The following RABGAP1L variants were observed in gnomAD, a reference collection of about 807,000 sequenced individuals.
RABGAP1L encodes RAB GTPase activating protein 1 like, also known as rab GTPase-activating protein 1-like.
Under a neutral mutation model 137.7 loss-of-function variants are expected in RABGAP1L, and 63 were observed. The observed-to-expected ratio is 0.46, with a 90% CI of 0.37 to 0.56. The LOEUF is 0.56. RABGAP1L is among the 20% of genes least tolerant of loss of function. The probability of loss-of-function intolerance (pLI) is 0.00; values close to 1 mark genes in which losing one functional copy is unlikely to be tolerated. For missense variants in RABGAP1L, 1,095 were observed against 1,244.0 expected (o/e 0.88, Z 1.80); for synonymous variants, 431 against 433.7 (o/e 0.99, Z 0.08).
At chr1:174,698,385 T>G (rs1679410360) in intron 15 of RABGAP1L, among the ~76,000 whole-genome samples, 2 of 152,166 alleles carry the variant, frequency 1.3e-5, no homozygotes, top group Non-Finnish European at 2.9e-5. Context: ...TACTGGCCAT[T>G]TCCCTGAAAA....
Position 174,297,784 on chromosome 1 carries a change from CAT to C in RABGAP1L, c.1324-7196_1324-7195del, listed in dbSNP as rs1299398727. ...ATAGACAAACCGGGTTATTAGAAGA[CAT>C]ATATAAAAATGAAACAAGGGCACAG... On this transcript the variant is annotated intron_variant, in intron 10 of 25. Transcript: ENST00000681986. Among the ~76,000 whole-genome samples the C allele has an allele frequency of 5.3e-5, 8 of 152,194 alleles. No individual in the cohort carries two copies. In the South Asian group the frequency reaches 1.0e-3, roughly 20 times the overall value.
At chr1:174,349,429 C>A (rs1478764089) in intron 11 of RABGAP1L, among the ~76,000 whole-genome samples, 1 of 117,816 alleles carries the variant, frequency 8.5e-6, no homozygotes, top group Non-Finnish European at 1.9e-5. Flanking sequence ...ACCTCCCTCC[C>A]GGACGAGGCG....
At chr1:174,608,767 A>G (rs1670969949) in intron 13 of RABGAP1L, among the ~76,000 whole-genome samples, 1 of 152,152 alleles carries the variant, frequency 6.6e-6, no homozygotes. Context: ...AGGTAGATTA[A>G]CCTAAAAGTA....
chr1:174,635,704 G>T (rs1572626041), intron 13 of RABGAP1L, among the ~76,000 whole-genome samples: 2 of 152,010 alleles, frequency 1.3e-5, no homozygotes, highest in Non-Finnish European at 2.9e-5. Context: ...CCTCTGGATC[G>T]ATTTGTAATA....
At chr1:174,706,561 A>C (rs577838672) in intron 17 of RABGAP1L, among the ~76,000 whole-genome samples, 5 of 152,310 alleles carry the variant, frequency 3.3e-5, no homozygotes, top group African/African-American at 1.2e-4. Flanking sequence ...CAGTCTTTAA[A>C]ATAACTTTTT....
chr1:174,275,849 G>C lies in RABGAP1L; in HGVS notation c.1070G>C (p.Ser357Thr). The C allele has an allele frequency of 6.2e-7, 1 of 1,611,828 alleles. No individual in the cohort carries two copies. The highest frequency in any genetic ancestry group is 1.1e-5 in the South Asian group (1 of 90,746). Residue 357 changes from serine to threonine, a missense_variant, in exon 9 of 26, where the codon AGC (serine) becomes ACC (threonine). Around this residue, in one of 4 missense-constraint regions of RABGAP1L, gnomAD observed 112 missense variants for 157.3 expected, o/e 0.71. Transcript: ENST00000681986. ...TTTTTATAGGAATCCATGGGAAAGA[G>C]CTATGATGGGAGAGCTTATGTCATC... ...HLLDMESMGKSYDGRAYVITG... is the reference protein window; with the variant it reads ...HLLDMESMGKTYDGRAYVITG...
intron 13 of RABGAP1L, among the ~76,000 whole-genome samples, chr1:174,425,341 C>T (rs1651827322): frequency 6.6e-6 from 1 of 151,974 alleles, no homozygotes; most frequent in South Asian, 2.1e-4. Flanking sequence ...CTATTGCATG[C>T]TTCAGGTGGT....
rs1226955347 is a variant in RABGAP1L, at chr1:174,318,329, T to C, written c.1465+13202T>C. Reference sequence around the variant, plus strand: ...TGCTCTGCTTTGGTTTTTATTTGCATGGGATAACTTTTCTCTTCACTACAT... The same window carrying C: ...TGCTCTGCTTTGGTTTTTATTTGCACGGGATAACTTTTCTCTTCACTACAT... On this transcript the variant is annotated intron_variant, in intron 11 of 25. Coordinates refer to ENST00000681986, the MANE Select transcript of RABGAP1L (RefSeq NM_001366446.1). 2.0e-5 allele frequency among the ~76,000 whole-genome samples: 3 copies of C among 152,192 alleles called. No homozygotes were observed. The East Asian group carries it at 5.8e-4, about 29-fold the overall frequency.
intron 14 of RABGAP1L, among the ~76,000 whole-genome samples, chr1:174,668,842 G>T (rs139291279): frequency 2.5e-4 from 38 of 152,120 alleles, no homozygotes; most frequent in African/African-American, 8.9e-4. Flanking sequence ...GTTTTGATTT[G>T]CATTTCCAGG....
At chr1:174,430,386 G>C (rs773200442) in intron 13 of RABGAP1L, among the ~76,000 whole-genome samples, 1 of 151,812 alleles carries the variant, frequency 6.6e-6, no homozygotes, top group Non-Finnish European at 1.5e-5. Context: ...TTTTTCAAAG[G>C]CCTTACCACT....
chr1:174,794,055 C>T (rs1035182629), intron 18 of RABGAP1L, among the ~76,000 whole-genome samples: 4 of 152,120 alleles, frequency 2.6e-5, no homozygotes, highest in Admixed American at 6.6e-5. Flanking sequence ...TACACTACCA[C>T]GATGGCACCA....
intron 19 of RABGAP1L, chr1:174,850,259 A>C (rs941168169): frequency 2.4e-5 from 6 of 252,298 alleles, no homozygotes; most frequent in African/African-American, 1.3e-4. Flanking sequence ...ACTTTCTTCT[A>C]CTGAGGCCTT....
chr1:174,223,437 C>A (rs1209591469), intron 3 of RABGAP1L, among the ~76,000 whole-genome samples: 5 of 96,916 alleles, frequency 5.2e-5, no homozygotes, highest in East Asian at 2.9e-4. Context: ...AGTGAGACTC[C>A]ATCTCAAAAA....
At chr1:174,815,023 C>T (rs974095291) in intron 19 of RABGAP1L, among the ~76,000 whole-genome samples, 4 of 152,044 alleles carry the variant, frequency 2.6e-5, no homozygotes, top group Non-Finnish European at 5.9e-5. Flanking sequence ...TTAAACTTCT[C>T]CCCGGATCCC....
chr1:174,245,811 T>C (rs1290666517), intron 5 of RABGAP1L: 1 of 151,856 alleles, frequency 6.6e-6, no homozygotes, highest in Non-Finnish European at 1.5e-5. Context: ...AATTTTTGCG[T>C]TTTTAATAGA....
rs61597461 is a variant in RABGAP1L at position 174,475,772 on chromosome 1, TAAAAAAAAAAAA to T, written c.1710+81642_1710+81653del. Among the ~76,000 whole-genome samples, 7 of 69,932 alleles carry T rather than the reference TAAAAAAAAAAAA, an allele frequency of 1.0e-4. No individual in the cohort carries two copies. The South Asian group carries it at 2.2e-3, about 22-fold the overall frequency. 45.9% of individuals were successfully genotyped at this position (69,932 alleles called of 152,430 possible). On this transcript the variant is annotated intron_variant, in intron 13 of 25. Transcript: ENST00000681986. ...AGTGACAGACTGAGACCCCGTGTCT[TAAAAAAAAAAAA>T]AAAAAAAAAAAAAAGGTCAGATCTT...
At chr1:174,307,024 A>G (rs1443443730) in intron 11 of RABGAP1L, among the ~76,000 whole-genome samples, 2 of 152,176 alleles carry the variant, frequency 1.3e-5, no homozygotes, top group African/African-American at 4.8e-5. Context: ...TTTAGTGCTT[A>G]CTATATGCTA....
At chr1:174,773,163 G>GGTGTGTGTGC (rs1553250560) in intron 18 of RABGAP1L, among the ~76,000 whole-genome samples, 1 of 149,548 alleles carries the variant, frequency 6.7e-6, no homozygotes, top group African/African-American at 2.4e-5. Context: ...TAAGCTATGG[G>GGTGTGTGTGC]GTGTGTGTGT....
chr1:174,660,129 T>A (rs1329434296), intron 14 of RABGAP1L, among the ~76,000 whole-genome samples: 1 of 152,118 alleles, frequency 6.6e-6, no homozygotes, highest in Admixed American at 6.5e-5. Flanking sequence ...CAGGGAATGA[T>A]CTGTATACAC....
Sources: gnomAD v4.1 joint callset for allele counts (sites outside exome capture counted in the v4.1 genomes callset) on GRCh38, gnomAD v4.1.1 for gene constraint, gnomAD v4.1.1 regional missense constraint, MANE v1.5 for transcripts, NCBI Gene and HGNC (gene_info 2026-07-23, HGNC 2026-07-21) for gene names.